Variants in CDH7 observed in about 807,000 individuals in gnomAD.
CDH7 encodes the protein cadherin 7.
In CDH7, 25 loss-of-function variants were observed where a neutral mutation model predicts 71.8. The ratio of observed to expected loss-of-function variants is 0.35; its 90% CI spans 0.25 to 0.49. The LOEUF (loss-of-function observed/expected upper bound fraction) is 0.49. Among genes scored for constraint, CDH7 ranks in the 20% least tolerant of loss-of-function variants. The pLI is 0.99. For synonymous variants in CDH7, 381 were observed against 363.8 expected, an observed-to-expected ratio of 1.05 and a Z score of -0.54; for missense variants, 862 against 974.6, an observed-to-expected ratio of 0.88 and a Z score of 1.54.
At chr18:65,781,292 A>G (rs916471716) in intron 2 of CDH7, among the ~76,000 whole-genome samples, 1 of 152,128 alleles carries the variant, frequency 6.6e-6, no homozygotes, top group African/African-American at 2.4e-5. Context: ...ATATATTTCA[A>G]ATATATTTAA....
intron 2 of CDH7, among the ~76,000 whole-genome samples, chr18:65,788,768 C>T (rs1017767458): frequency 6.6e-6 from 1 of 152,280 alleles, no homozygotes; most frequent in Admixed American, 6.5e-5. Context: ...GTTATACCTG[C>T]TTTCGCTTAG....
intron 2 of CDH7, among the ~76,000 whole-genome samples, chr18:65,786,293 A>G (rs541690535): frequency 6.6e-6 from 1 of 152,220 alleles, no homozygotes; most frequent in South Asian, 2.1e-4. Flanking sequence ...AAGGGTAGAT[A>G]TGAGTTTTGT....
chr18:65,751,900 G>T (rs1205222826), intron 1 of CDH7, among the ~76,000 whole-genome samples: 1 of 152,100 alleles, frequency 6.6e-6, no homozygotes, highest in African/African-American at 2.4e-5. Flanking sequence ...ATTCTGTACC[G>T]CTTCACGTTT....
chr18:65,758,944 T>A (rs1486842279), intron 1 of CDH7, among the ~76,000 whole-genome samples: 2 of 152,206 alleles, frequency 1.3e-5, no homozygotes, highest in African/African-American at 4.8e-5. Flanking sequence ...TTATACTAGC[T>A]GCTTTTAAAA....
intron 2 of CDH7, among the ~76,000 whole-genome samples, chr18:65,798,001 T>C (rs1201512578): frequency 6.6e-6 from 1 of 152,172 alleles, no homozygotes; most frequent in Non-Finnish European, 1.5e-5. Flanking sequence ...TATTCAGTAG[T>C]GTAGTCTGAA....
rs1914416604 is a variant in CDH7 at position 65,888,039 on chromosome 18, C to T, written c.*7145C>T. 1 of 152,096 alleles carries T rather than the reference C, an allele frequency of 6.6e-6. No individual in the cohort carries two copies. The highest frequency in any genetic ancestry group is 2.1e-4 in the South Asian group (1 of 4,830). The allele number at this position is 152,096 out of a possible 1,614,324, so 9.4% of individuals were successfully genotyped here. A position where few individuals can be genotyped will look rare whatever the true frequency, so the allele number is the denominator to read the frequency against. On this transcript the variant is annotated 3_prime_UTR_variant, in exon 12 of 12. Transcript: ENST00000397968. ...CAGAATTGATCCTGAAAATCCAGTT[C>T]ATTTAACCTTGGAAATGAGACATGA... is the stretch of plus-strand genomic sequence containing the variant.
chr18:65,789,216 G>A (rs890441635), intron 2 of CDH7, among the ~76,000 whole-genome samples: 2 of 152,156 alleles, frequency 1.3e-5, no homozygotes, highest in Non-Finnish European at 2.9e-5. Flanking sequence ...CATCAGGCAG[G>A]TCTTTAAAGA....
chr18:65,840,010 A>C (rs1912669578), intron 6 of CDH7, among the ~76,000 whole-genome samples: 1 of 152,162 alleles, frequency 6.6e-6, no homozygotes, highest in Non-Finnish European at 1.5e-5. Flanking sequence ...CAGAATTTAA[A>C]ATCTGGGTTA....
chr18:65,758,652 A>G (rs1345658444), intron 1 of CDH7, among the ~76,000 whole-genome samples: 1 of 152,240 alleles, frequency 6.6e-6, no homozygotes, highest in Non-Finnish European at 1.5e-5. Flanking sequence ...GGATCAAGGT[A>G]AAGACAATTT....
chr18:65,850,101 G>A (rs1167864312), intron 7 of CDH7, among the ~76,000 whole-genome samples: 1 of 150,768 alleles, frequency 6.6e-6, no homozygotes, highest in African/African-American at 2.4e-5. Flanking sequence ...GAGGTGGAGG[G>A]TGCAGTGAGC....
In CDH7 at chr18:65,868,737, A is replaced by G. The variant is rs547860330; in HGVS notation, c.1864+5820A>G. On this transcript the variant is annotated intron_variant, in intron 11 of 11. Coordinates refer to ENST00000397968, the MANE Select transcript of CDH7 (RefSeq NM_004361.5). Reference sequence around the variant, plus strand: ...AGTACAACCAAAATCTAATACACAAATTGTCTTTGTGCATAAACCATTCAT... The same window carrying G: ...AGTACAACCAAAATCTAATACACAAGTTGTCTTTGTGCATAAACCATTCAT... 3.3e-5 allele frequency among the ~76,000 whole-genome samples: 5 copies of G among 152,326 alleles called. No individual in the cohort carries two copies. The South Asian group carries it at 1.0e-3, about 32-fold the overall frequency.
chr18:65,880,789 C>T lies in CDH7; in HGVS notation c.2253C>T (p.Ile751=), dbSNP rs751822823. ...VAESLSSLDS[I]SSNSDQNYDY... ...AATCACTCAGCTCTTTAGATTCCATCAGCTCAAACTCTGATCAGAACTATG... is the reference window on the plus strand; with the variant it reads ...AATCACTCAGCTCTTTAGATTCCATTAGCTCAAACTCTGATCAGAACTATG... The change falls in exon 12 of 12, where the codon ATC becomes ATT. Residue 751 remains isoleucine, a synonymous_variant. Coordinates refer to ENST00000397968, the MANE Select transcript of CDH7 (RefSeq NM_004361.5). 2.0e-5 allele frequency: 33 copies of T among 1,613,982 alleles called. No individual in the cohort carries two copies. In the South Asian group the frequency reaches 2.3e-4, roughly 11 times the overall value.
At chr18:65,830,316 G>A (rs11662904) in intron 6 of CDH7, among the ~76,000 whole-genome samples, 88,606 of 151,594 alleles carry the variant, frequency 0.58, 29,229 homozygotes, top group East Asian at 0.97. Flanking sequence ...ATATTGTAAG[G>A]CATTTTAGGT....
chr18:65,786,997 A>G (rs1910538304), intron 2 of CDH7, among the ~76,000 whole-genome samples: 1 of 152,074 alleles, frequency 6.6e-6, no homozygotes, highest in Non-Finnish European at 1.5e-5. Flanking sequence ...CTATTTCCTA[A>G]GTTTCATGCC....
intron 2 of CDH7, among the ~76,000 whole-genome samples, chr18:65,773,267 A>G (rs940092033): frequency 1.3e-5 from 2 of 152,204 alleles, no homozygotes; most frequent in African/African-American, 2.4e-5. Context: ...ATCACAGGTA[A>G]TGATTTTATC....
chr18:65,861,211 CAT>C (rs1475270728), intron 10 of CDH7, among the ~76,000 whole-genome samples: 1 of 152,108 alleles, frequency 6.6e-6, no homozygotes, highest in African/African-American at 2.4e-5. Context: ...TGAAGGAAAA[CAT>C]ATGAATACAG....
chr18:65,852,345 T>C (rs150232801), intron 7 of CDH7, among the ~76,000 whole-genome samples: 7 of 152,266 alleles, frequency 4.6e-5, no homozygotes, highest in Non-Finnish European at 1.0e-4. Context: ...TTGCGTTAGT[T>C]AGAAATTGTG....
At chr18:65,827,449 T>C (rs1486104528) in intron 6 of CDH7, among the ~76,000 whole-genome samples, 1 of 151,870 alleles carries the variant, frequency 6.6e-6, no homozygotes, top group East Asian at 1.9e-4. Flanking sequence ...ACAGACTATC[T>C]AGCTATCAAA....
intron 7 of CDH7, among the ~76,000 whole-genome samples, chr18:65,849,395 TTTTCTTTTCTTTTCTTTTCTTTTCTTTTC>T (rs1913060965): frequency 2.2e-5 from 3 of 134,724 alleles, no homozygotes; most frequent in African/African-American, 9.3e-5. Flanking sequence ...TTTTCTTTTC[TTTTCTTTTCTTTTCTTTTCTTTTCTTTTC>T]TTTCTTTTCT....
Sources: gnomAD v4.1 joint callset for allele counts (sites outside exome capture counted in the v4.1 genomes callset) on GRCh38, gnomAD v4.1.1 for gene constraint, MANE v1.5 for transcripts, NCBI Gene and HGNC (gene_info 2026-07-23, HGNC 2026-07-21) for gene names.